The following CIPC variants were observed in gnomAD, a reference collection of about 807,000 sequenced individuals.
The protein encoded by CIPC is CLOCK-interacting pacemaker.
In CIPC, 12 loss-of-function variants were observed where a neutral mutation model predicts 26.7. The observed-to-expected ratio is 0.45, with a 90% CI of 0.29 to 0.73. The LOEUF (loss-of-function observed/expected upper bound fraction) is 0.73. Among genes scored for constraint, CIPC ranks in the 30% least tolerant of loss-of-function variants. CIPC has a pLI of 0.12. For synonymous variants in CIPC, 170 were observed against 189.8 expected, an observed-to-expected ratio of 0.90 and a Z score of 0.86; for missense variants, 417 against 486.5, an observed-to-expected ratio of 0.86 and a Z score of 1.34.
intron 1 of CIPC, among the ~76,000 whole-genome samples, chr14:77,100,456 G>A (rs1259931301): frequency 6.6e-6 from 1 of 151,788 alleles, no homozygotes; most frequent in East Asian, 1.9e-4. Flanking sequence ...TGGCCAGGCT[G>A]GTCTCCAACT....
Position 77,117,209 on chromosome 14 carries a change from CT to C in CIPC, c.*2895del, listed in dbSNP as rs1482217633. On this transcript the variant is annotated 3_prime_UTR_variant, in exon 4 of 4. Transcript: ENST00000361786. ...GAAATTTATTTAGCAAATGTGAATT[CT>C]TTTGAGAAAGTATGAAGTTTTGCAG... is the stretch of plus-strand genomic sequence containing the variant. 6.6e-6 allele frequency: 1 copy of C among 152,546 alleles called. No individual in the cohort carries two copies. The highest frequency in any genetic ancestry group is 1.5e-5 in the Non-Finnish European group (1 of 68,018). The allele number at this position is 152,546 out of a possible 1,614,324, so 9.4% of individuals were successfully genotyped here.
chr14:77,105,932 A>G, intron 2 of CIPC, 88 bp downstream of exon 2: 1 of 1,484,634 alleles, frequency 6.7e-7, no homozygotes, highest in African/African-American at 1.4e-5. Context: ...TGTGATAAGG[A>G]TGGGATGCTT....
chr14:77,105,087 TAGC>T (rs1406432409), intron 1 of CIPC, among the ~76,000 whole-genome samples: 1 of 152,198 alleles, frequency 6.6e-6, no homozygotes, highest in Non-Finnish European at 1.5e-5. Flanking sequence ...AGCCTAAAAG[TAGC>T]ATGCATGTAT....
intron 2 of CIPC, 120 bp downstream of exon 2, chr14:77,105,964 A>G: frequency 8.6e-7 from 1 of 1,160,624 alleles, no homozygotes; most frequent in Non-Finnish European, 1.2e-6. Flanking sequence ...ATAAATACTT[A>G]CCTGCTTTAA....
intron 3 of CIPC, among the ~76,000 whole-genome samples, chr14:77,110,760 T>G (rs1413131823): frequency 6.6e-6 from 1 of 152,240 alleles, no homozygotes; most frequent in Non-Finnish European, 1.5e-5. Flanking sequence ...CGTACTTTCC[T>G]CTGAAAATAT....
Position 77,115,442 on chromosome 14 carries a change from T to C in CIPC, c.*1124T>C, listed in dbSNP as rs1280335264. On this transcript the variant is annotated 3_prime_UTR_variant, in exon 4 of 4. Transcript: ENST00000361786. ...CAGAGCAGCGTCTTCTGTGTTTCCT[T>C]CATGTGTTAGATATTGGCAACAAAG... is the stretch of plus-strand genomic sequence containing the variant. 4 of 152,182 alleles carry C rather than the reference T, an allele frequency of 2.6e-5. No individual in the cohort carries two copies. Among genetic ancestry groups the C allele is most frequent in the Non-Finnish European group, 5.9e-5 (4 of 68,034 alleles). The allele number at this position is 152,182 out of a possible 1,614,324, so 9.4% of individuals were successfully genotyped here.
rs967085325 is a variant in CIPC, at chr14:77,116,874, G to A, written c.*2556G>A. ...AGTGATGGTTTTAGCGATGAATAAC[G>A]TAATTGGCTATGAAGTACTGTGGCA... is the stretch of plus-strand genomic sequence containing the variant. On this transcript the variant is annotated 3_prime_UTR_variant, in exon 4 of 4. Coordinates refer to ENST00000361786, the MANE Select transcript of CIPC (RefSeq NM_033426.3). The A allele has an allele frequency of 3.9e-5, 6 of 152,206 alleles. No individual in the cohort carries two copies. Among genetic ancestry groups the A allele is most frequent in the African/African-American group, 4.8e-5 (2 of 41,454 alleles). The allele number at this position is 152,206 out of a possible 1,614,324, so 9.4% of individuals were successfully genotyped here.
In CIPC at chr14:77,105,810, T is replaced by C. The variant is rs967903089; in HGVS notation, c.102T>C (p.Ala34=). Residue 34 remains alanine, a synonymous_variant, in exon 2 of 4, where the codon GCT becomes GCC. Transcript: ENST00000361786. ...MKKVARQLGM[A]AAESDKDSGF... is the part of the protein sequence containing the mutation. Reference sequence around the variant, plus strand: ...AAGTGGCTCGTCAGCTTGGGATGGCTGCTGCTGAGTCAGACAAGGACTCTG... The same window carrying C: ...AAGTGGCTCGTCAGCTTGGGATGGCCGCTGCTGAGTCAGACAAGGACTCTG... 9 of 1,614,174 alleles carry C rather than the reference T, an allele frequency of 5.6e-6. No homozygotes were observed. Among genetic ancestry groups the C allele is most frequent in the Non-Finnish European group, 7.6e-6 (9 of 1,180,022 alleles).
rs1886761523 is a variant in CIPC, at chr14:77,114,188, C to A, written c.1070C>A (p.Thr357Asn). ...GAACTAGACCAGCTAAAGGAGCAAA[C>A]CCAGCTGTTTATAGAAGCCACCAAG... ...QVELDQLKEQTQLFIEATKSR... is the reference protein window; with the variant it reads ...QVELDQLKEQNQLFIEATKSR... The change falls in exon 4 of 4, where the codon ACC (threonine) becomes AAC (asparagine). Residue 357 changes from threonine (T) to asparagine (N), a missense_variant. Physicochemically the swap from Thr to Asn is moderately conservative, Grantham distance 65. Coordinates refer to ENST00000361786, the MANE Select transcript of CIPC (RefSeq NM_033426.3). 6.2e-7 allele frequency: 1 copy of A among 1,614,010 alleles called. No homozygotes were observed. The highest frequency in any genetic ancestry group is 8.5e-7 in the Non-Finnish European group (1 of 1,180,050).
chr14:77,100,240 CTTTTTT>C (rs57785837), intron 1 of CIPC, among the ~76,000 whole-genome samples: 1 of 130,514 alleles, frequency 7.7e-6, no homozygotes, highest in East Asian at 2.2e-4. Context: ...TTCTTTCTTT[CTTTTTT>C]TTTTTTTTTT....
chr14:77,110,655 A>C (rs1163306651), intron 3 of CIPC, among the ~76,000 whole-genome samples: 1 of 151,620 alleles, frequency 6.6e-6, no homozygotes, highest in African/African-American at 2.4e-5. Context: ...CTAGTGTTTG[A>C]AACTGAGAAC....
intron 3 of CIPC, among the ~76,000 whole-genome samples, chr14:77,112,536 A>G (rs147016433): frequency 5.3e-5 from 8 of 152,250 alleles, no homozygotes; most frequent in Admixed American, 2.0e-4. Context: ...TTTTAAATAG[A>G]TTAAGTAACT....
intron 3 of CIPC, among the ~76,000 whole-genome samples, chr14:77,111,797 A>G (rs1886706850): frequency 6.6e-6 from 1 of 152,214 alleles, no homozygotes; most frequent in South Asian, 2.1e-4. Flanking sequence ...CAGTAAAATC[A>G]TGGGAAAACA....
chr14:77,104,098 C>T (rs1356603296), intron 1 of CIPC, among the ~76,000 whole-genome samples: 1 of 152,210 alleles, frequency 6.6e-6, no homozygotes, highest in African/African-American at 2.4e-5. Context: ...AGCTGGTGTA[C>T]ACTTGTAATC....
chr14:77,102,770 C>T (rs1316385418), intron 1 of CIPC, among the ~76,000 whole-genome samples: 5 of 152,136 alleles, frequency 3.3e-5, no homozygotes, highest in South Asian at 2.1e-4. Context: ...CAGCCTGGTC[C>T]GACATGAATT....
chr14:77,101,510 C>A (rs1238173166), intron 1 of CIPC, among the ~76,000 whole-genome samples: 1 of 152,086 alleles, frequency 6.6e-6, no homozygotes, highest in East Asian at 1.9e-4. Flanking sequence ...TCTTTATTTC[C>A]AACTGCCACC....
intron 3 of CIPC, among the ~76,000 whole-genome samples, chr14:77,110,851 C>A (rs2140033654): frequency 6.6e-6 from 1 of 152,256 alleles, no homozygotes; most frequent in Admixed American, 6.5e-5. Flanking sequence ...TTGACTTTTC[C>A]CCCCTTAGGG....
intron 2 of CIPC, 34 bp from the exon 3 acceptor site, chr14:77,109,778 G>T (rs749597900): frequency 1.3e-6 from 2 of 1,593,298 alleles, no homozygotes; most frequent in Non-Finnish European, 1.7e-6. Flanking sequence ...CTAGTCTAGA[G>T]CCTGAGTGAG....
Position 77,114,269 on chromosome 14 carries a change from GTAA to G in CIPC, c.1154_1156del (p.Asn385del). The G allele has an allele frequency of 6.2e-7, 1 of 1,613,862 alleles. No homozygotes were observed. Among genetic ancestry groups the G allele is most frequent in the Non-Finnish European group, 8.5e-7 (1 of 1,179,982 alleles). On this transcript the variant is annotated inframe_deletion, in exon 4 of 4. Coordinates refer to ENST00000361786, the MANE Select transcript of CIPC (RefSeq NM_033426.3). ...CAGGCATCTTTAACACCTGGGTCCA[GTAA>G]TACAGGCAGTGACCTAGAAGCATTC... is the stretch of plus-strand genomic sequence containing the variant.
Sources: gnomAD v4.1 joint callset for allele counts (sites outside exome capture counted in the v4.1 genomes callset) on GRCh38, gnomAD v4.1.1 for gene constraint, MANE v1.5 for transcripts, NCBI Gene and HGNC (gene_info 2026-07-23, HGNC 2026-07-21) for gene names.